WASF1: variants seen among roughly 807,000 people sequenced by gnomAD.
The protein encoded by WASF1 is WASP family member 1, also known as actin-binding protein WASF1.
A neutral mutation model predicts 50.5 loss-of-function variants in WASF1; 7 were observed. The observed-to-expected ratio is 0.14, with a 90% CI of 0.08 to 0.26. The LOEUF (loss-of-function observed/expected upper bound fraction) is 0.26, where lower values mean the gene tolerates loss of function less well. WASF1 is among the 10% of genes least tolerant of loss of function. The probability of loss-of-function intolerance (pLI) is 1.00; values close to 1 mark genes in which losing one functional copy is unlikely to be tolerated. For synonymous variants in WASF1, 205 were observed against 244.0 expected (o/e 0.84, Z 1.49); for missense variants, 470 against 694.7 (o/e 0.68, Z 3.64).
chr6:110,143,597 T>C (rs984992406), intron 3 of WASF1, among the ~76,000 whole-genome samples: 2 of 152,164 alleles, frequency 1.3e-5, no homozygotes, highest in Non-Finnish European at 2.9e-5. Context: ...GGACTCCTTG[T>C]AGTTAACAAT....
chr6:110,133,940 C>T (rs1055601874), intron 3 of WASF1, among the ~76,000 whole-genome samples: 8 of 152,118 alleles, frequency 5.3e-5, no homozygotes, highest in African/African-American at 1.9e-4. Context: ...TTGCCTAAGC[C>T]AATGTCTAGA....
At chr6:110,131,236 C>T (rs554367948) in intron 3 of WASF1, among the ~76,000 whole-genome samples, 4 of 152,146 alleles carry the variant, frequency 2.6e-5, no homozygotes, top group Non-Finnish European at 5.9e-5. Context: ...TTTTTCTACA[C>T]CAAGATCATA....
intron 2 of WASF1, among the ~76,000 whole-genome samples, chr6:110,169,624 G>A (rs1040697026): frequency 6.6e-6 from 1 of 152,014 alleles, no homozygotes; most frequent in Non-Finnish European, 1.5e-5. Flanking sequence ...CTCCAGTATT[G>A]CGACCTAACA....
At chr6:110,155,243 A>T (rs1776009046) in intron 3 of WASF1, among the ~76,000 whole-genome samples, 1 of 152,122 alleles carries the variant, frequency 6.6e-6, no homozygotes, top group African/African-American at 2.4e-5. Context: ...CGATATACCA[A>T]TATACCATCA....
In WASF1 at chr6:110,118,347, C is replaced by CA. The variant is rs56948481; in HGVS notation, c.134-4888dup. ...GAAGATCTACCAAGCAAACGGAAAGCAAAAAAAAAAAAAAAAAAAAAAAAA... is the reference window on the plus strand; with the variant it reads ...GAAGATCTACCAAGCAAACGGAAAGCAAAAAAAAAAAAAAAAAAAAAAAAAA... On this transcript the variant is annotated intron_variant, in intron 4 of 10. Transcript: ENST00000392589. Among the ~76,000 whole-genome samples the CA allele has an allele frequency of 2.0e-3, 15 of 7,496 alleles. 3 individuals carry two copies. The highest frequency in any genetic ancestry group is 8.2e-3 in the Admixed American group (3 of 368). 4.9% of individuals were successfully genotyped at this position (7,496 alleles called of 152,430 possible).
At chr6:110,140,815 G>A (rs186915795) in intron 3 of WASF1, among the ~76,000 whole-genome samples, 3 of 152,088 alleles carry the variant, frequency 2.0e-5, no homozygotes, top group African/African-American at 7.2e-5. Flanking sequence ...GATGAAATGA[G>A]GTGAATGACA....
intron 3 of WASF1, among the ~76,000 whole-genome samples, chr6:110,131,630 C>T (rs1440112393): frequency 6.6e-6 from 1 of 152,112 alleles, no homozygotes; most frequent in Non-Finnish European, 1.5e-5. Flanking sequence ...GCCTCAGCCT[C>T]CGGAGCAGCT....
intron 3 of WASF1, among the ~76,000 whole-genome samples, chr6:110,129,622 A>G (rs1017782728): frequency 6.7e-6 from 1 of 148,772 alleles, no homozygotes; most frequent in Admixed American, 6.6e-5. Flanking sequence ...CTAATTTAAA[A>G]GAAAGGAGTG....
intron 3 of WASF1, among the ~76,000 whole-genome samples, chr6:110,159,158 G>C (rs1271882684): frequency 1.3e-5 from 2 of 151,804 alleles, no homozygotes; most frequent in African/African-American, 4.8e-5. Context: ...AGTTGAATAA[G>C]AACAGAAAAT....
At chr6:110,123,071 A>G (rs540147852) in intron 4 of WASF1, among the ~76,000 whole-genome samples, 1 of 152,324 alleles carries the variant, frequency 6.6e-6, no homozygotes, top group Non-Finnish European at 1.5e-5. Flanking sequence ...TGTCCACCTG[A>G]TGAGGGTTAG....
rs572560067 is a variant in WASF1, at chr6:110,113,295, G to A, written c.268+31C>T. On this transcript the variant is annotated intron_variant, in intron 5 of 10. Coordinates refer to ENST00000392589, the MANE Select transcript of WASF1 (RefSeq NM_003931.3). ...ATCTCATCTAACTTAAAATATATACGTAGAAGAAAATACAATATTAATAAG... is the reference window on the plus strand; with the variant it reads ...ATCTCATCTAACTTAAAATATATACATAGAAGAAAATACAATATTAATAAG... 8.1e-6 allele frequency: 12 copies of A among 1,477,052 alleles called. No homozygotes were observed. In the African/African-American group the frequency reaches 8.6e-5, roughly 11 times the overall value. 91.5% of individuals were successfully genotyped at this position (1,477,052 alleles called of 1,614,324 possible). A position where few individuals can be genotyped will look rare whatever the true frequency, so the allele number is the denominator to read the frequency against.
At chr6:110,138,561 C>T (rs1381256931) in intron 3 of WASF1, among the ~76,000 whole-genome samples, 5 of 152,188 alleles carry the variant, frequency 3.3e-5, no homozygotes, top group East Asian at 1.9e-4. Flanking sequence ...ACACCGGAAG[C>T]GGGTAGTCCC....
intron 4 of WASF1, among the ~76,000 whole-genome samples, chr6:110,114,787 G>T: frequency 6.6e-6 from 1 of 150,468 alleles, no homozygotes. Flanking sequence ...TAGTTTCCAT[G>T]TATGCTGCTT....
intron 1 of WASF1, 37 bp downstream of exon 1, chr6:110,179,402 C>T (rs1049324962): frequency 6.5e-6 from 1 of 152,708 alleles, no homozygotes; most frequent in African/African-American, 2.4e-5. Flanking sequence ...AACACCCCCT[C>T]CCCGAAAAAA....
chr6:110,144,148 T>C (rs915270397), intron 3 of WASF1, among the ~76,000 whole-genome samples: 2 of 152,170 alleles, frequency 1.3e-5, no homozygotes. Context: ...TTTTAATGAT[T>C]GCCATTCTAA....
At chr6:110,164,421 T>C (rs892708229) in intron 2 of WASF1, among the ~76,000 whole-genome samples, 2 of 151,728 alleles carry the variant, frequency 1.3e-5, no homozygotes, top group African/African-American at 4.8e-5. Context: ...CCAAAAGAGA[T>C]ACACTGACTG....
rs117909098 is a variant in WASF1, at chr6:110,145,067, G to A, written c.-29+15568C>T. On this transcript the variant is annotated intron_variant, in intron 3 of 10. Coordinates refer to ENST00000392589, the MANE Select transcript of WASF1 (RefSeq NM_003931.3). Reference sequence around the variant, plus strand: ...CCTTGGGCAGTATGGCCATTTTCACGAAACTGTTTCTTCCTACCCATGAGC... The same window carrying A: ...CCTTGGGCAGTATGGCCATTTTCACAAAACTGTTTCTTCCTACCCATGAGC... 7.2e-5 allele frequency among the ~76,000 whole-genome samples: 11 copies of A among 152,240 alleles called. No homozygotes were observed. The South Asian group carries it at 8.3e-4, about 11-fold the overall frequency.
chr6:110,103,417 T>G lies in WASF1; in HGVS notation c.854A>C (p.His285Pro). Residue 285 changes from histidine (H) to proline (P), a missense_variant, in exon 9 of 11, where the codon CAT becomes CCT. Physicochemically the swap from His to Pro is moderately conservative, Grantham distance 77. Coordinates refer to ENST00000392589, the MANE Select transcript of WASF1 (RefSeq NM_003931.3). ...TATCGGTTTTGCATCTCCTGCTCCATGCATTGGTGGAGGTGGAGGTGGTTC... is the reference window on the plus strand; with the variant it reads ...TATCGGTTTTGCATCTCCTGCTCCAGGCATTGGTGGAGGTGGAGGTGGTTC... ...PHEPPPPPPM[H>P]GAGDAKPIPT... 6.2e-7 allele frequency: 1 copy of G among 1,613,974 alleles called. No individual in the cohort carries two copies. Among genetic ancestry groups the G allele is most frequent in the Non-Finnish European group, 8.5e-7 (1 of 1,179,902 alleles).
At chr6:110,120,301 A>G (rs1774037077) in intron 4 of WASF1, among the ~76,000 whole-genome samples, 1 of 152,228 alleles carries the variant, frequency 6.6e-6, no homozygotes, top group East Asian at 1.9e-4. Context: ...CCATTGTCTC[A>G]GCTCAAAATC....
Sources: gnomAD v4.1 joint callset for allele counts (sites outside exome capture counted in the v4.1 genomes callset) on GRCh38, gnomAD v4.1.1 for gene constraint, MANE v1.5 for transcripts, NCBI Gene and HGNC (gene_info 2026-07-23, HGNC 2026-07-21) for gene names.